CRYL1: variants seen among roughly 807,000 people sequenced by gnomAD.
The protein encoded by CRYL1 is crystallin lambda 1.
A neutral mutation model predicts 36.6 loss-of-function variants in CRYL1; 29 were observed. That is an observed-to-expected ratio of 0.79 (90% CI 0.59 to 1.08). CRYL1 has a LOEUF of 1.08. CRYL1 is among the 50% of genes least tolerant of loss of function. The pLI, the probability that CRYL1 is intolerant of heterozygous loss-of-function variation, is 0.00. For missense variants in CRYL1, 411 were observed against 407.9 expected, an observed-to-expected ratio of 1.01 and a Z score of -0.06; for synonymous variants, 152 against 151.5, an observed-to-expected ratio of 1.00 and a Z score of -0.02.
chr13:20,487,788 CA>C (rs2033429914), intron 3 of CRYL1, among the ~76,000 whole-genome samples: 4 of 148,296 alleles, frequency 2.7e-5, no homozygotes, highest in South Asian at 4.2e-4. Context: ...CAAAAAAAAA[CA>C]AAAAACAAAA....
chr13:20,480,033 C>T (rs945449875), intron 3 of CRYL1, among the ~76,000 whole-genome samples: 1 of 152,212 alleles, frequency 6.6e-6, no homozygotes, highest in Non-Finnish European at 1.5e-5. Context: ...AATCGCAACA[C>T]AGCTAGATCC....
At chr13:20,496,032 C>T (rs948705818) in intron 2 of CRYL1, among the ~76,000 whole-genome samples, 7 of 152,198 alleles carry the variant, frequency 4.6e-5, no homozygotes, top group Non-Finnish European at 8.8e-5. Flanking sequence ...AACTCCTAAC[C>T]TCAGGTGATC....
At chr13:20,483,489 G>A (rs1191601001) in intron 3 of CRYL1, among the ~76,000 whole-genome samples, 1 of 151,962 alleles carries the variant, frequency 6.6e-6, no homozygotes, top group African/African-American at 2.4e-5. Context: ...GGACTGTAAC[G>A]TACCACATCA....
chr13:20,505,359 CAAA>C (rs61380702), intron 2 of CRYL1, among the ~76,000 whole-genome samples: 5,872 of 91,186 alleles, frequency 0.064, 418 homozygotes, highest in African/African-American at 0.18. Flanking sequence ...TCTATCCCAC[CAAA>C]AAAAAAAAAA....
At chr13:20,496,255 A>G (rs530143966) in intron 2 of CRYL1, among the ~76,000 whole-genome samples, 24 of 152,338 alleles carry the variant, frequency 1.6e-4, no homozygotes, top group South Asian at 1.2e-3. Flanking sequence ...TGGCAGAGGC[A>G]CAAAAGAAGA....
intron 3 of CRYL1, among the ~76,000 whole-genome samples, chr13:20,487,695 C>G (rs985292534): frequency 6.6e-6 from 1 of 152,084 alleles, no homozygotes; most frequent in Admixed American, 6.6e-5. Flanking sequence ...TCAAGAATCG[C>G]TTGAACCCAG....
chr13:20,476,354 CAAAA>C (rs34453641), intron 3 of CRYL1, among the ~76,000 whole-genome samples: 13 of 98,576 alleles, frequency 1.3e-4, no homozygotes, highest in Admixed American at 2.1e-4. Flanking sequence ...AACTCCATCT[CAAAA>C]AAAAAAAAAA....
intron 5 of CRYL1, among the ~76,000 whole-genome samples, chr13:20,429,508 G>C (rs111284827): frequency 5.3e-5 from 8 of 152,252 alleles, no homozygotes; most frequent in African/African-American, 1.9e-4. Flanking sequence ...CAGCAGCATA[G>C]ATTTTCCTGC....
At chr13:20,461,992 GGAGGA>G in intron 3 of CRYL1, among the ~76,000 whole-genome samples, 1 of 141,818 alleles carries the variant, frequency 7.1e-6, no homozygotes, top group African/African-American at 2.6e-5. Flanking sequence ...GGAGGAGGCG[GGAGGA>G]CTGCCTGGTG....
chr13:20,428,934 C>T (rs2031993192), intron 5 of CRYL1, among the ~76,000 whole-genome samples: 1 of 152,190 alleles, frequency 6.6e-6, no homozygotes, highest in South Asian at 2.1e-4. Context: ...AATCCATTAA[C>T]ATGCCAAGCC....
At chr13:20,405,226 G>A (rs959608587) in intron 6 of CRYL1, among the ~76,000 whole-genome samples, 1 of 151,736 alleles carries the variant, frequency 6.6e-6, no homozygotes, top group Non-Finnish European at 1.5e-5. Context: ...GGCTGAGATC[G>A]CGCCACTGTA....
rs2033278684 is a variant in CRYL1 at position 20,481,642 on chromosome 13, G to T, written c.276+7728C>A. On this transcript the variant is annotated intron_variant, in intron 3 of 7. Coordinates refer to ENST00000298248, the MANE Select transcript of CRYL1 (RefSeq NM_015974.3). The surrounding 1 kb of genome is among the most constrained non-coding windows in gnomAD (Gnocchi z 4.1). ...AAAAACACGTATGGCCATGCGTGGT[G>T]GCTCACTCCTGTAATTCCAGCACTT... Among the ~76,000 whole-genome samples, 1 of 152,136 alleles carries T rather than the reference G, an allele frequency of 6.6e-6. No homozygotes were observed. Among genetic ancestry groups the T allele is most frequent in the Non-Finnish European group, 1.5e-5 (1 of 68,024 alleles).
intron 6 of CRYL1, 58 bp downstream of exon 6, chr13:20,413,224 C>G: frequency 8.0e-7 from 1 of 1,249,026 alleles, no homozygotes; most frequent in Non-Finnish European, 1.2e-6. Context: ...TGACTGTTTA[C>G]AAAACCCATG....
At chr13:20,473,889 G>A (rs868604481) in intron 3 of CRYL1, among the ~76,000 whole-genome samples, 5 of 152,128 alleles carry the variant, frequency 3.3e-5, no homozygotes, top group South Asian at 2.1e-4. Flanking sequence ...CAAGTGAATC[G>A]GGTATAAGTA....
chr13:20,408,848 G>A (rs1004752190), intron 6 of CRYL1, among the ~76,000 whole-genome samples: 2 of 152,160 alleles, frequency 1.3e-5, no homozygotes, highest in Non-Finnish European at 2.9e-5. Flanking sequence ...GGAAATAAAA[G>A]AGGATACAAA....
intron 2 of CRYL1, among the ~76,000 whole-genome samples, chr13:20,506,653 A>G (rs1171689782): frequency 2.0e-5 from 3 of 152,138 alleles, no homozygotes; most frequent in Non-Finnish European, 2.9e-5. Flanking sequence ...AAACACAAAT[A>G]CCCAAGAAAT....
intron 1 of CRYL1, among the ~76,000 whole-genome samples, chr13:20,517,657 C>T (rs8002493): frequency 0.073 from 11,029 of 151,962 alleles, 1,298 homozygotes; most frequent in African/African-American, 0.25. Context: ...ATGTTAGTGG[C>T]CGGGCGCAGT....
chr13:20,484,675 T>C (rs1456164405), intron 3 of CRYL1, among the ~76,000 whole-genome samples: 1 of 152,112 alleles, frequency 6.6e-6, no homozygotes, highest in Admixed American at 6.5e-5. Flanking sequence ...CAGCAGGAAA[T>C]GTTCTAAGTT....
intron 5 of CRYL1, chr13:20,431,542 C>A (rs1490668769): frequency 4.5e-5 from 45 of 1,005,964 alleles, no homozygotes; most frequent in Admixed American, 5.5e-5. Context: ...AGAATGCGTG[C>A]AGCCAGGCCA....
Sources: allele counts gnomAD v4.1 joint callset (sites outside exome capture counted in the v4.1 genomes callset), GRCh38; gene constraint gnomAD v4.1.1; non-coding constraint Gnocchi (gnomAD v3.1); transcripts MANE v1.5; gene names NCBI Gene and HGNC (gene_info 2026-07-23, HGNC 2026-07-21).